The following GRIA1 variants were observed in gnomAD, a reference collection of about 807,000 sequenced individuals.
The protein encoded by GRIA1 is glutamate receptor 1.
Under a neutral mutation model 99.2 loss-of-function variants are expected in GRIA1, and 31 were observed. The observed-to-expected ratio is 0.31, with a 90% confidence interval of 0.23 to 0.42. The LOEUF (loss-of-function observed/expected upper bound fraction) is 0.42, where lower values mean the gene tolerates loss of function less well. Among genes scored for constraint, GRIA1 ranks in the 10% least tolerant of loss-of-function variants. The probability of loss-of-function intolerance (pLI) is 1.00; values close to 1 mark genes in which losing one functional copy is unlikely to be tolerated. For missense variants in GRIA1, 782 were observed against 1,157.5 expected, an observed-to-expected ratio of 0.68 and a Z score of 4.71; for synonymous variants, 438 against 432.4, an observed-to-expected ratio of 1.01 and a Z score of -0.16.
At chr5:153,491,215 A>C in intron 1 of GRIA1, 1 of 1,289,644 alleles carries the variant, frequency 7.8e-7, no homozygotes. Context: ...AGGCAAGAGC[A>C]TGTGAAATGG....
At chr5:153,628,375 G>T (rs1020162210) in intron 2 of GRIA1, among the ~76,000 whole-genome samples, 2 of 152,192 alleles carry the variant, frequency 1.3e-5, no homozygotes, top group African/African-American at 4.8e-5. Context: ...TGATTTCTGT[G>T]TCTGTCATTT....
chr5:153,799,980 G>A (rs1387274460), intron 14 of GRIA1, among the ~76,000 whole-genome samples: 1 of 152,106 alleles, frequency 6.6e-6, no homozygotes, highest in Admixed American at 6.5e-5. Flanking sequence ...CCCTCTTAGG[G>A]CCTTTTGAAG....
chr5:153,552,931 A>C (rs568703726), intron 2 of GRIA1, among the ~76,000 whole-genome samples: 214 of 152,222 alleles, frequency 1.4e-3, no homozygotes, highest in African/African-American at 4.9e-3. Context: ...TTTCTTTTCC[A>C]AACAACCTTT....
intron 11 of GRIA1, among the ~76,000 whole-genome samples, chr5:153,739,921 AAAGT>A (rs1205714920): frequency 2.5e-4 from 38 of 152,356 alleles, no homozygotes; most frequent in African/African-American, 8.9e-4. Context: ...AAACAAAAAG[AAAGT>A]AAGAAAGTAC....
intron 11 of GRIA1, among the ~76,000 whole-genome samples, chr5:153,754,387 CTCTT>C (rs768049791): frequency 1.3e-5 from 2 of 152,204 alleles, no homozygotes; most frequent in Non-Finnish European, 2.9e-5. Context: ...AAGCAGCAAA[CTCTT>C]TCTTTGGTAT....
intron 2 of GRIA1, among the ~76,000 whole-genome samples, chr5:153,600,229 A>G (rs1755535782): frequency 1.3e-5 from 2 of 151,818 alleles, no homozygotes; most frequent in Non-Finnish European, 2.9e-5. Flanking sequence ...GTCTCTACTA[A>G]AAATACAAAA....
chr5:153,747,924 G>T (rs533295566), intron 11 of GRIA1, among the ~76,000 whole-genome samples: 1 of 152,172 alleles, frequency 6.6e-6, no homozygotes, highest in African/African-American at 2.4e-5. Flanking sequence ...TTCCCATCAC[G>T]CTTGGTGTGT....
intron 2 of GRIA1, among the ~76,000 whole-genome samples, chr5:153,523,792 C>G (rs1757370028): frequency 6.6e-6 from 1 of 152,190 alleles, no homozygotes; most frequent in Non-Finnish European, 1.5e-5. Flanking sequence ...GTATCAAGAA[C>G]AGTACCTGGC....
At chr5:153,574,853 C>T (rs943901044) in intron 2 of GRIA1, among the ~76,000 whole-genome samples, 42 of 152,068 alleles carry the variant, frequency 2.8e-4, no homozygotes, top group East Asian at 3.9e-4. Flanking sequence ...GTTTCCCCAT[C>T]GGAACAACCT....
intron 4 of GRIA1, among the ~76,000 whole-genome samples, chr5:153,653,594 C>A (rs1045680107): frequency 6.6e-6 from 1 of 152,122 alleles, no homozygotes; most frequent in African/African-American, 2.4e-5. Context: ...TAGACCAGGA[C>A]CTGTTGAGGT....
intron 2 of GRIA1, among the ~76,000 whole-genome samples, chr5:153,507,416 C>G (rs755640119): frequency 1.3e-5 from 2 of 152,118 alleles, no homozygotes; most frequent in Non-Finnish European, 2.9e-5. Context: ...TAGCGTCTAC[C>G]CTTTCCCCAG....
Position 153,741,729 on chromosome 5 carries a change from T to C in GRIA1, c.1824-22705T>C, listed in dbSNP as rs1381605997. Among the ~76,000 whole-genome samples, 7 of 152,132 alleles carry C rather than the reference T, an allele frequency of 4.6e-5. 1 individual carries two copies. Among genetic ancestry groups the C allele is most frequent in the African/African-American group, 1.7e-4 (7 of 41,484 alleles). On this transcript the variant is annotated intron_variant, in intron 11 of 15. Coordinates refer to ENST00000285900, the MANE Select transcript of GRIA1 (RefSeq NM_000827.4). ...AAATGCATAGAATTAAAGAGTGGAA[T>C]GGTGGTTGCCAGGGACTGAGGCAGG...
chr5:153,622,276 A>T (rs988502593), intron 2 of GRIA1, among the ~76,000 whole-genome samples: 1 of 152,180 alleles, frequency 6.6e-6, no homozygotes, highest in Non-Finnish European at 1.5e-5. Context: ...GGAGAGACCT[A>T]CTTTGGTCCT....
intron 11 of GRIA1, among the ~76,000 whole-genome samples, chr5:153,709,199 T>C (rs1759132701): frequency 6.6e-6 from 1 of 152,230 alleles, no homozygotes; most frequent in Admixed American, 6.5e-5. Context: ...CATGACCTTC[T>C]GATATGCACA....
At chr5:153,780,199 G>T (rs1481825068) in intron 13 of GRIA1, among the ~76,000 whole-genome samples, 2 of 152,138 alleles carry the variant, frequency 1.3e-5, no homozygotes, top group African/African-American at 4.8e-5. Context: ...TTCTAGGAAG[G>T]CAGCTGCTGT....
intron 5 of GRIA1, among the ~76,000 whole-genome samples, chr5:153,672,628 G>A (rs546652130): frequency 6.6e-6 from 1 of 152,270 alleles, no homozygotes; most frequent in Admixed American, 6.5e-5. Flanking sequence ...GGGGAGGGTT[G>A]TTTTTGAATC....
intron 2 of GRIA1, among the ~76,000 whole-genome samples, chr5:153,644,376 G>C (rs1163523268): frequency 6.6e-6 from 1 of 152,160 alleles, no homozygotes; most frequent in East Asian, 1.9e-4. Flanking sequence ...CAGCAACCCA[G>C]GCAGGGGAGC....
At chr5:153,579,887 AC>A (rs1160915089) in intron 2 of GRIA1, among the ~76,000 whole-genome samples, 10 of 117,590 alleles carry the variant, frequency 8.5e-5, no homozygotes, top group South Asian at 7.2e-4. Flanking sequence ...ACAAAAACAA[AC>A]AAACAAACAA....
intron 13 of GRIA1, among the ~76,000 whole-genome samples, chr5:153,771,930 C>G (rs920527529): frequency 8.6e-5 from 13 of 151,856 alleles, no homozygotes; most frequent in African/African-American, 3.1e-4. Context: ...CCCAGAGTAA[C>G]ACACAGAAAG....
Sources: gnomAD v4.1 joint callset for allele counts (sites outside exome capture counted in the v4.1 genomes callset) on GRCh38, gnomAD v4.1.1 for gene constraint, MANE v1.5 for transcripts, NCBI Gene and HGNC (gene_info 2026-07-23, HGNC 2026-07-21) for gene names.